Variants in DYNC1I1 observed in about 807,000 individuals in gnomAD.
DYNC1I1 encodes cytoplasmic dynein 1 intermediate chain 1.
Under a neutral mutation model 86.6 loss-of-function variants are expected in DYNC1I1, and 43 were observed. The observed-to-expected ratio is 0.50, with a 90% CI of 0.39 to 0.64. The LOEUF is 0.64. Ranked by LOEUF, DYNC1I1 falls within the 30% of genes least tolerant of loss-of-function variation. The pLI is 0.00. For missense variants in DYNC1I1, 604 were observed against 788.8 expected (o/e 0.77, Z 2.81); for synonymous variants, 262 against 283.7 (o/e 0.92, Z 0.77).
Position 95,887,251 on chromosome 7 carries a change from T to C in DYNC1I1, c.490+17253T>C, listed in dbSNP as rs1347252079. Among the ~76,000 whole-genome samples the C allele has an allele frequency of 5.9e-5, 9 of 152,138 alleles. No homozygotes were observed. In the East Asian group the frequency reaches 1.5e-3, roughly 26 times the overall value. On this transcript the variant is annotated intron_variant, in intron 6 of 16. Transcript: ENST00000447467. ...ATCTGGGGTAGGGTCTTAAAATCTC[T>C]CCAGGTAATTAGAAAGCACAGCCGG...
chr7:95,952,790 C>T (rs926672757), intron 6 of DYNC1I1, among the ~76,000 whole-genome samples: 10 of 152,116 alleles, frequency 6.6e-5, no homozygotes, highest in Non-Finnish European at 1.3e-4. Flanking sequence ...CCCTCTGCCT[C>T]GTCCTTCCTC....
chr7:95,828,034 T>G, intron 4 of DYNC1I1, 23 bp from the exon 5 acceptor site: 1 of 1,613,246 alleles, frequency 6.2e-7, no homozygotes, highest in African/African-American at 1.3e-5. Context: ...CTGTGTTCTT[T>G]TTCCTTTGTG....
intron 10 of DYNC1I1, among the ~76,000 whole-genome samples, chr7:96,012,303 T>A (rs1232254339): frequency 6.6e-6 from 1 of 152,206 alleles, no homozygotes; most frequent in Admixed American, 6.5e-5. Flanking sequence ...TGCTAGTAGG[T>A]CTACAGTATG....
At chr7:95,869,609 G>A (rs922593177) in intron 5 of DYNC1I1, among the ~76,000 whole-genome samples, 2 of 152,112 alleles carry the variant, frequency 1.3e-5, no homozygotes, top group African/African-American at 4.8e-5. Flanking sequence ...GCTCAGAATG[G>A]AAGAGGTCTC....
intron 1 of DYNC1I1, among the ~76,000 whole-genome samples, chr7:95,792,395 C>T (rs996277167): frequency 2.0e-5 from 3 of 152,230 alleles, no homozygotes; most frequent in Non-Finnish European, 2.9e-5. Context: ...CTCCCCTTCT[C>T]TGAAGCAAGT....
chr7:95,946,392 G>A (rs1405089783), intron 6 of DYNC1I1, among the ~76,000 whole-genome samples: 1 of 152,132 alleles, frequency 6.6e-6, no homozygotes, highest in Non-Finnish European at 1.5e-5. Context: ...TCTTCAATTA[G>A]CGTGTTTGGA....
chr7:96,104,378 A>C (rs1791183188), intron 16 of DYNC1I1, among the ~76,000 whole-genome samples: 1 of 152,102 alleles, frequency 6.6e-6, no homozygotes, highest in Non-Finnish European at 1.5e-5. Context: ...AATTTTGCTG[A>C]GGTCTTTTGT....
rs551605579 is a variant in DYNC1I1 at position 95,806,511 on chromosome 7, A to G, written c.108+1674A>G. On this transcript the variant is annotated intron_variant, in intron 2 of 16. Coordinates refer to ENST00000447467, the MANE Select transcript of DYNC1I1 (RefSeq NM_001135556.2). Reference sequence around the variant, plus strand: ...GGCTGCAGGTAGTGGAGGGTGTGGAACACCTGGACTCTAGACATTCCTGGT... The same window carrying G: ...GGCTGCAGGTAGTGGAGGGTGTGGAGCACCTGGACTCTAGACATTCCTGGT... Among the ~76,000 whole-genome samples, 5 of 152,310 alleles carry G rather than the reference A, an allele frequency of 3.3e-5. No homozygotes were observed. The South Asian group carries it at 1.0e-3, about 32-fold the overall frequency.
intron 5 of DYNC1I1, among the ~76,000 whole-genome samples, chr7:95,868,999 C>T (rs917774347): frequency 2.0e-5 from 3 of 152,128 alleles, no homozygotes; most frequent in Non-Finnish European, 4.4e-5. Context: ...CCAGTAAGAA[C>T]CTTAGTTAGG....
chr7:95,925,392 C>T (rs1246428164), intron 6 of DYNC1I1, among the ~76,000 whole-genome samples: 2 of 152,090 alleles, frequency 1.3e-5, no homozygotes, highest in Non-Finnish European at 2.9e-5. Context: ...ATTGGCTCTT[C>T]AACATTTCCT....
At chr7:95,782,264 C>T (rs1239360762) in intron 1 of DYNC1I1, among the ~76,000 whole-genome samples, 39 of 152,270 alleles carry the variant, frequency 2.6e-4, no homozygotes, top group Middle Eastern at 3.4e-3. Context: ...CTGGAATTTT[C>T]GTAATAAACT....
chr7:95,849,955 G>A (rs1368918022), intron 5 of DYNC1I1, among the ~76,000 whole-genome samples: 2 of 151,966 alleles, frequency 1.3e-5, no homozygotes, highest in Non-Finnish European at 2.9e-5. Flanking sequence ...TTATTCCTAA[G>A]TGCTGTGTTA....
rs149285258 is a variant in DYNC1I1, at chr7:95,960,129, G to A, written c.491-17383G>A. On this transcript the variant is annotated intron_variant, in intron 6 of 16. Transcript: ENST00000447467. ...TGTTTTTGTTTTGTTTTTTTGAGAC[G>A]GAGTTTTGCTCTAGTCACCTAGGCT... 9.5e-4 allele frequency among the ~76,000 whole-genome samples: 145 copies of A among 152,082 alleles called. 1 individual carries two copies. The East Asian group carries it at 0.02, about 21-fold the overall frequency.
intron 14 of DYNC1I1, among the ~76,000 whole-genome samples, chr7:96,059,946 C>G (rs1419958312): frequency 6.6e-6 from 1 of 152,114 alleles, no homozygotes; most frequent in Non-Finnish European, 1.5e-5. Flanking sequence ...AGACTCTGTT[C>G]TAAAGGGTAA....
intron 5 of DYNC1I1, among the ~76,000 whole-genome samples, chr7:95,841,775 G>A (rs1789289155): frequency 6.6e-6 from 1 of 152,206 alleles, no homozygotes; most frequent in South Asian, 2.1e-4. Context: ...TTATAAGCCA[G>A]ACCCTTGGGC....
chr7:95,790,923 G>T (rs1240058073), intron 1 of DYNC1I1, among the ~76,000 whole-genome samples: 2 of 152,122 alleles, frequency 1.3e-5, no homozygotes, highest in Admixed American at 1.3e-4. Context: ...GACCCCAACA[G>T]GGATTGGTGG....
At chr7:95,775,769 A>G (rs34016597) in intron 1 of DYNC1I1, among the ~76,000 whole-genome samples, 23,596 of 152,122 alleles carry the variant, frequency 0.16, 2,001 homozygotes, top group East Asian at 0.36. Flanking sequence ...GATCTCTTTT[A>G]CTAGAAATCT....
chr7:95,885,368 G>C (rs141373378), intron 6 of DYNC1I1, among the ~76,000 whole-genome samples: 5,924 of 152,150 alleles, frequency 0.039, 196 homozygotes, highest in Admixed American at 0.11. Context: ...GCAGAGATGG[G>C]GTTTTCCCAT....
chr7:95,974,492 C>T (rs1383067312), intron 6 of DYNC1I1, among the ~76,000 whole-genome samples: 1 of 152,140 alleles, frequency 6.6e-6, no homozygotes, highest in African/African-American at 2.4e-5. Context: ...TATCCCACTC[C>T]AGCAGATGAG....
Sources: gnomAD v4.1 joint callset for allele counts (sites outside exome capture counted in the v4.1 genomes callset) on GRCh38, gnomAD v4.1.1 for gene constraint, MANE v1.5 for transcripts, NCBI Gene and HGNC (gene_info 2026-07-23, HGNC 2026-07-21) for gene names.